Variants in USP15 observed in about 807,000 individuals in gnomAD.
USP15 encodes the protein ubiquitin carboxyl-terminal hydrolase 15.
A neutral mutation model predicts 127.1 loss-of-function variants in USP15; 18 were observed. That is an observed-to-expected ratio of 0.14 (90% CI 0.10 to 0.21). The LOEUF is 0.21. USP15 is among the 10% of genes least tolerant of loss of function. The pLI, the probability that USP15 is intolerant of heterozygous loss-of-function variation, is 1.00. For synonymous variants in USP15, 364 were observed against 393.7 expected (o/e 0.92, Z 0.89); for missense variants, 805 against 1,159.9 (o/e 0.69, Z 4.44).
intron 8 of USP15, among the ~76,000 whole-genome samples, chr12:62,368,957 G>A (rs570890954): frequency 8.5e-5 from 13 of 152,052 alleles, no homozygotes; most frequent in East Asian, 7.7e-4. Flanking sequence ...TGTTCTTTCC[G>A]TGTTTTTAGT....
At chr12:62,363,027 A>G (rs903258072) in intron 8 of USP15, among the ~76,000 whole-genome samples, 3 of 152,194 alleles carry the variant, frequency 2.0e-5, no homozygotes, top group South Asian at 2.1e-4. Context: ...TATGAAGGGG[A>G]GTGAGACAAA....
chr12:62,266,858 C>T (rs1387595411), intron 1 of USP15, among the ~76,000 whole-genome samples: 1 of 152,102 alleles, frequency 6.6e-6, no homozygotes, highest in Non-Finnish European at 1.5e-5. Flanking sequence ...AAATGCTTTA[C>T]ACTTACATAG....
At chr12:62,400,393 T>C (rs1225125015) in intron 20 of USP15, among the ~76,000 whole-genome samples, 1 of 151,874 alleles carries the variant, frequency 6.6e-6, no homozygotes, top group African/African-American at 2.4e-5. Context: ...GTAGATTATT[T>C]ATAATACCTA....
At chr12:62,396,614 C>T (rs780956243) in intron 20 of USP15, among the ~76,000 whole-genome samples, 1 of 151,924 alleles carries the variant, frequency 6.6e-6, no homozygotes. Context: ...AGTTCAAGGC[C>T]TAGTAGGGAA....
chr12:62,391,701 A>T, intron 16 of USP15, 115 bp from the exon 17 acceptor site: 1 of 995,356 alleles, frequency 1.0e-6, no homozygotes, highest in East Asian at 2.7e-5. Context: ...CCTAATCACC[A>T]GTACAAGTAG....
chr12:62,306,713 A>T (rs1239656494), intron 3 of USP15, among the ~76,000 whole-genome samples: 3 of 152,140 alleles, frequency 2.0e-5, no homozygotes, highest in Non-Finnish European at 4.4e-5. Context: ...AGTTTTGAAG[A>T]TTCCTAGTCC....
At chr12:62,302,679 A>G in intron 2 of USP15, 111 bp from the exon 3 acceptor site, 1 of 1,225,776 alleles carries the variant, frequency 8.2e-7, no homozygotes, top group Non-Finnish European at 1.1e-6. Flanking sequence ...GAATTGCTTT[A>G]GAGCTTAAAA....
chr12:62,340,866 A>G (rs565294071), intron 6 of USP15, among the ~76,000 whole-genome samples: 52 of 152,172 alleles, frequency 3.4e-4, no homozygotes, highest in Non-Finnish European at 6.3e-4. Flanking sequence ...TTAGTGGTGA[A>G]GAGTTTGTAG....
chr12:62,322,383 G>A (rs906134604), intron 5 of USP15, among the ~76,000 whole-genome samples: 10 of 152,010 alleles, frequency 6.6e-5, no homozygotes, highest in Non-Finnish European at 1.0e-4. Context: ...TGATCTGCCC[G>A]CCTCAGCCTC....
intron 8 of USP15, among the ~76,000 whole-genome samples, chr12:62,375,667 G>C (rs1410172572): frequency 1.3e-5 from 2 of 152,280 alleles, no homozygotes; most frequent in South Asian, 2.1e-4. Context: ...ATTTCTTATA[G>C]GGGATGAATA....
chr12:62,372,857 A>C (rs1010898983), intron 8 of USP15, among the ~76,000 whole-genome samples: 4 of 152,096 alleles, frequency 2.6e-5, no homozygotes, highest in Admixed American at 6.6e-5. Flanking sequence ...ATTCTTTAAA[A>C]TAAATATAAC....
intron 1 of USP15, among the ~76,000 whole-genome samples, chr12:62,276,584 A>G (rs1430983740): frequency 6.6e-6 from 1 of 151,948 alleles, no homozygotes; most frequent in African/African-American, 2.4e-5. Context: ...ATATGAGATA[A>G]CACTCATTAT....
Position 62,325,925 on chromosome 12 carries a change from T to C in USP15, c.675T>C (p.Ser225=), listed in dbSNP as rs143627797. 3.7e-6 allele frequency: 6 copies of C among 1,609,502 alleles called. No individual in the cohort carries two copies. In the African/African-American group the frequency reaches 6.7e-5, roughly 18 times the overall value. Residue 225 remains serine (S), a synonymous_variant, in exon 6 of 22, where the codon TCT becomes TCC. Coordinates refer to ENST00000280377, the MANE Select transcript of USP15 (RefSeq NM_001252078.2). ...ATGGAACATGGCCAAGGGGTCCTTC[T>C]ACTCCTAAGTAAGTGCTCCCACTTC... ...NEDGTWPRGP[S]TPKSPGASNF...
At chr12:62,345,878 C>G (rs2065800970) in intron 6 of USP15, among the ~76,000 whole-genome samples, 1 of 152,106 alleles carries the variant, frequency 6.6e-6, no homozygotes, top group Admixed American at 6.6e-5. Flanking sequence ...TTGTGAGATT[C>G]ATTCACTATC....
chr12:62,293,097 C>T (rs1203713997), intron 1 of USP15, among the ~76,000 whole-genome samples: 3 of 152,142 alleles, frequency 2.0e-5, no homozygotes, highest in African/African-American at 7.2e-5. Flanking sequence ...CTCAAGAAAT[C>T]CCTACCCATA....
At chr12:62,326,657 A>G (rs1421457271) in intron 6 of USP15, among the ~76,000 whole-genome samples, 1 of 152,246 alleles carries the variant, frequency 6.6e-6, no homozygotes, top group African/African-American at 2.4e-5. Context: ...TTAGGTTGCC[A>G]CCAAATGAAC....
chr12:62,262,464 C>T (rs547409925), intron 1 of USP15, among the ~76,000 whole-genome samples: 1 of 152,126 alleles, frequency 6.6e-6, no homozygotes, highest in South Asian at 2.1e-4. Flanking sequence ...ATCTGTAAGT[C>T]TATAAGTTAA....
At chr12:62,271,368 G>A (rs1408273851) in intron 1 of USP15, among the ~76,000 whole-genome samples, 1 of 151,938 alleles carries the variant, frequency 6.6e-6, no homozygotes, top group Non-Finnish European at 1.5e-5. Context: ...CAAGAGAGGG[G>A]CCCACAAGGG....
At chr12:62,327,847 T>A (rs2065174765) in intron 6 of USP15, 1 of 262,616 alleles carries the variant, frequency 3.8e-6, no homozygotes, top group African/African-American at 2.3e-5. Context: ...ACTAGTTGAA[T>A]AAGGATGCCA....
Sources: allele counts gnomAD v4.1 joint callset (sites outside exome capture counted in the v4.1 genomes callset), GRCh38; gene constraint gnomAD v4.1.1; transcripts MANE v1.5; gene names NCBI Gene and HGNC (gene_info 2026-07-23, HGNC 2026-07-21).